Variants in CDC42BPA observed in about 807,000 individuals in gnomAD.
CDC42BPA encodes the protein serine/threonine-protein kinase MRCK alpha.
CDC42BPA carries 80 observed loss-of-function variants against 223.5 expected under a neutral mutation model. The observed-to-expected ratio is 0.36, with a 90% confidence interval of 0.30 to 0.43. The LOEUF (loss-of-function observed/expected upper bound fraction) is 0.43. Among genes scored for constraint, CDC42BPA ranks in the 20% least tolerant of loss-of-function variants. The probability of loss-of-function intolerance (pLI) is 1.00; values close to 1 mark genes in which losing one functional copy is unlikely to be tolerated. For missense variants in CDC42BPA, 1,743 were observed against 2,099.9 expected, an observed-to-expected ratio of 0.83 and a Z score of 3.32; for synonymous variants, 694 against 718.6, an observed-to-expected ratio of 0.97 and a Z score of 0.55.
At chr1:227,068,565 AACTG>A (rs934063177) in intron 21 of CDC42BPA, 1 of 404,968 alleles carries the variant, frequency 2.5e-6, no homozygotes, top group African/African-American at 2.2e-5. Context: ...GTATTTCTAA[AACTG>A]ACTGCATTAC....
chr1:227,226,367 T>C (rs1676866556), intron 2 of CDC42BPA, among the ~76,000 whole-genome samples: 1 of 152,260 alleles, frequency 6.6e-6, no homozygotes, highest in African/African-American at 2.4e-5. Context: ...ATTTTGAACC[T>C]GATCTAGCTC....
chr1:227,264,475 T>C (rs1485539581), intron 1 of CDC42BPA, among the ~76,000 whole-genome samples: 1 of 151,102 alleles, frequency 6.6e-6, no homozygotes, highest in African/African-American at 2.5e-5. Context: ...TCAATGGCTA[T>C]ATTTTCAAAT....
In CDC42BPA at chr1:227,033,328, A is replaced by C. The variant is rs1400256834; in HGVS notation, c.3558+6T>G. 16 of 1,583,780 alleles carry C rather than the reference A, an allele frequency of 1.0e-5. No homozygotes were observed. Among genetic ancestry groups the C allele is most frequent in the Non-Finnish European group, 1.4e-5 (16 of 1,152,436 alleles). On this transcript the variant is annotated splice_donor_region_variant and intron_variant, in intron 27 of 36. Transcript: ENST00000366766. ...TCAGTGATCAAATTACAGCATACAC[A>C]CTTACCCTAAATATACAGGGTATAT...
intron 34 of CDC42BPA, among the ~76,000 whole-genome samples, chr1:227,015,556 A>G (rs181549975): frequency 6.6e-6 from 1 of 152,318 alleles, no homozygotes; most frequent in East Asian, 1.9e-4. Flanking sequence ...CACCTGGCCT[A>G]TGTTATACTT....
chr1:227,147,937 TG>T (rs1479974160), intron 6 of CDC42BPA, among the ~76,000 whole-genome samples: 8 of 150,610 alleles, frequency 5.3e-5, no homozygotes, highest in Non-Finnish European at 1.0e-4. Flanking sequence ...TACAATGAGA[TG>T]GGGGGAAAAA....
chr1:227,152,210 C>T (rs542550126), intron 6 of CDC42BPA, among the ~76,000 whole-genome samples: 42 of 152,066 alleles, frequency 2.8e-4, no homozygotes, highest in Non-Finnish European at 4.7e-4. Context: ...CTTTGATGTA[C>T]AGAAGTTTTA....
chr1:227,149,154 G>C lies in CDC42BPA; in HGVS notation c.694-1595C>G, dbSNP rs373020374. Among the ~76,000 whole-genome samples, 80 of 152,278 alleles carry C rather than the reference G, an allele frequency of 5.3e-4. 2 individuals are homozygous for C. In the East Asian group the frequency reaches 0.012, roughly 22 times the overall value. On this transcript the variant is annotated intron_variant, in intron 6 of 36. Coordinates refer to ENST00000366766, the MANE Select transcript of CDC42BPA (RefSeq NM_001394014.1). ...TAAAAATCTGCCACAAAGCAGAGAC[G>C]GACAAGACATTTCATCTATCTTGAC... is the stretch of plus-strand genomic sequence containing the variant.
chr1:227,034,211 A>G (rs552540407), intron 26 of CDC42BPA, among the ~76,000 whole-genome samples: 153 of 152,350 alleles, frequency 1.0e-3, no homozygotes, highest in Non-Finnish European at 3.4e-4. Flanking sequence ...AGAGAGAACT[A>G]AGGAACACAG....
chr1:227,082,770 A>G (rs967800716), intron 16 of CDC42BPA, among the ~76,000 whole-genome samples: 3 of 150,036 alleles, frequency 2.0e-5, no homozygotes, highest in African/African-American at 7.3e-5. Flanking sequence ...AGTTTTCCAC[A>G]TTCTGAATTT....
At chr1:227,273,830 C>T (rs1686405294) in intron 1 of CDC42BPA, among the ~76,000 whole-genome samples, 3 of 143,616 alleles carry the variant, frequency 2.1e-5, no homozygotes, top group African/African-American at 7.8e-5. Flanking sequence ...CAGATAAGCA[C>T]CAAAGGAAAA....
intron 15 of CDC42BPA, among the ~76,000 whole-genome samples, chr1:227,098,946 A>G (rs914507711): frequency 2.0e-5 from 3 of 152,080 alleles, no homozygotes; most frequent in African/African-American, 4.8e-5. Context: ...ATAATGCATT[A>G]GTCCATAACT....
intron 15 of CDC42BPA, among the ~76,000 whole-genome samples, chr1:227,100,583 G>C (rs943663488): frequency 2.0e-4 from 29 of 148,484 alleles, no homozygotes; most frequent in African/African-American, 6.9e-4. Flanking sequence ...TCTCAGCTTA[G>C]AAGTTTATCG....
intron 4 of CDC42BPA, among the ~76,000 whole-genome samples, chr1:227,195,484 G>A (rs984693850): frequency 7.4e-5 from 7 of 94,120 alleles, no homozygotes; most frequent in African/African-American, 1.8e-4. Context: ...GTACCCTAAC[G>A]TTGAACTGAC....
intron 10 of CDC42BPA, among the ~76,000 whole-genome samples, chr1:227,131,278 T>C (rs1470670117): frequency 1.3e-5 from 2 of 152,192 alleles, no homozygotes; most frequent in African/African-American, 4.8e-5. Context: ...GGCTACAGTG[T>C]GCACATGTAA....
chr1:227,273,090 G>A (rs571595499), intron 1 of CDC42BPA, among the ~76,000 whole-genome samples: 1 of 152,316 alleles, frequency 6.6e-6, no homozygotes, highest in Admixed American at 6.5e-5. Flanking sequence ...GTGAGATCAG[G>A]AGTTTGAGAC....
chr1:227,136,066 AACAG>A (rs1319356015), intron 10 of CDC42BPA, among the ~76,000 whole-genome samples: 1 of 146,438 alleles, frequency 6.8e-6, no homozygotes, highest in Non-Finnish European at 1.5e-5. Context: ...GAAAGAAAAA[AACAG>A]AAAGGCAGGC....
At position 227,163,070 on chromosome 1, in the gene CDC42BPA, ATGTGTG is replaced by A. The variant is rs919169425; in HGVS notation, c.600-2440_600-2435del. Among the ~76,000 whole-genome samples the A allele has an allele frequency of 4.6e-4, 12 of 26,062 alleles. No homozygotes were observed. In the South Asian group the frequency reaches 0.014, roughly 31 times the overall value. The allele number at this position is 26,062 out of a possible 152,430, so 17.1% of individuals were successfully genotyped here. A position where few individuals can be genotyped will look rare whatever the true frequency, so the allele number is the denominator to read the frequency against. On this transcript the variant is annotated intron_variant, in intron 5 of 36. Transcript: ENST00000366766. ...CATATGTGTATGTTTCCAAACATAA[ATGTGTG>A]TATGTTTCCAAACATGTGTGTTTCC...
intron 2 of CDC42BPA, among the ~76,000 whole-genome samples, chr1:227,236,280 T>G (rs763074359): frequency 6.6e-6 from 1 of 152,216 alleles, no homozygotes; most frequent in Non-Finnish European, 1.5e-5. Context: ...AACCAGCTTT[T>G]GCTGTTTTTA....
At chr1:227,013,808 C>T (rs2148467761) in intron 34 of CDC42BPA, among the ~76,000 whole-genome samples, 1 of 152,094 alleles carries the variant, frequency 6.6e-6, no homozygotes, top group African/African-American at 2.4e-5. Context: ...TGATGTTTTG[C>T]TTTGCAACTT....
Sources: allele counts gnomAD v4.1 joint callset (sites outside exome capture counted in the v4.1 genomes callset), GRCh38; gene constraint gnomAD v4.1.1; transcripts MANE v1.5; gene names NCBI Gene and HGNC (gene_info 2026-07-23, HGNC 2026-07-21).